Variants in MAML3 observed in about 807,000 individuals in gnomAD.
The protein encoded by MAML3 is mastermind-like protein 3.
MAML3 carries 27 observed loss-of-function variants against 101.9 expected under a neutral mutation model. The observed-to-expected ratio is 0.27, with a 90% CI of 0.20 to 0.37. The LOEUF is 0.37. Among genes scored for constraint, MAML3 ranks in the 10% least tolerant of loss-of-function variants. MAML3 has a pLI of 1.00. For missense variants in MAML3, 1,316 were observed against 1,444.9 expected (o/e 0.91, Z 1.45); for synonymous variants, 501 against 555.9 (o/e 0.90, Z 1.39).
intron 2 of MAML3, among the ~76,000 whole-genome samples, chr4:139,863,286 C>A (rs556917860): frequency 6.7e-6 from 1 of 149,852 alleles, no homozygotes; most frequent in Non-Finnish European, 1.5e-5. Flanking sequence ...ATTCTTTGTT[C>A]ATTTGTTTGT....
Position 139,819,921 on chromosome 4 carries a change from G to A in MAML3, c.2079+69436C>T, listed in dbSNP as rs140891036. Among the ~76,000 whole-genome samples, 536 of 152,240 alleles carry A rather than the reference G, an allele frequency of 3.5e-3. 7 individuals carry two copies. Among genetic ancestry groups the A allele is most frequent in the African/African-American group, 0.012 (506 of 41,530 alleles). ...CTAATTTTCTTCCGCTCTGATTCCC[G>A]TAGTATTAAGATAGTATTTTGATGA... On this transcript the variant is annotated intron_variant, in intron 2 of 4. Coordinates refer to ENST00000509479, the MANE Select transcript of MAML3 (RefSeq NM_018717.5).
chr4:139,851,396 A>G (rs1232470783), intron 2 of MAML3, among the ~76,000 whole-genome samples: 1 of 152,244 alleles, frequency 6.6e-6, no homozygotes, highest in Non-Finnish European at 1.5e-5. Flanking sequence ...TTGGCTCTGC[A>G]AATCCACTTT....
chr4:139,949,950 G>A (rs1426010365), intron 1 of MAML3, among the ~76,000 whole-genome samples: 2 of 152,202 alleles, frequency 1.3e-5, no homozygotes, highest in Non-Finnish European at 2.9e-5. Flanking sequence ...GCAAAGACAG[G>A]TTTCCCAAAG....
intron 1 of MAML3, among the ~76,000 whole-genome samples, chr4:140,092,092 A>ATATATATATACG (rs1160826310): frequency 4.5e-4 from 57 of 127,392 alleles, no homozygotes; most frequent in African/African-American, 1.3e-3. Flanking sequence ...ATATACGTAT[A>ATATATATATACG]TATATATATA....
intron 1 of MAML3, among the ~76,000 whole-genome samples, chr4:140,078,038 A>AATAG (rs1727801789): frequency 6.6e-6 from 1 of 151,392 alleles, no homozygotes; most frequent in African/African-American, 2.4e-5. Flanking sequence ...AAAATAAATA[A>AATAG]ATAAATAAAT....
intron 3 of MAML3, 87 bp from the exon 4 acceptor site, chr4:139,725,922 G>A (rs1437384062): frequency 9.0e-7 from 1 of 1,107,916 alleles, no homozygotes; most frequent in Non-Finnish European, 1.4e-6. Context: ...GAGGAAGGTA[G>A]TGTTTTCCCC....
At chr4:140,121,005 A>G (rs1728598685) in intron 1 of MAML3, among the ~76,000 whole-genome samples, 2 of 152,248 alleles carry the variant, frequency 1.3e-5, no homozygotes, top group African/African-American at 4.8e-5. Flanking sequence ...CTTCTAATAT[A>G]GCCTGCACTT....
intron 2 of MAML3, among the ~76,000 whole-genome samples, chr4:139,884,993 C>T (rs17050971): frequency 1.3e-5 from 2 of 152,102 alleles, no homozygotes; most frequent in African/African-American, 4.8e-5. Flanking sequence ...CAGATGTGAC[C>T]ATAGTAAGTT....
chr4:139,967,469 GACACAC>G (rs4057112), intron 1 of MAML3, among the ~76,000 whole-genome samples: 32,593 of 141,328 alleles, frequency 0.23, 3,678 homozygotes, highest in South Asian at 0.29. Context: ...CTTTTTAAGG[GACACAC>G]ACACACACAC....
intron 2 of MAML3, among the ~76,000 whole-genome samples, chr4:139,790,240 T>TATATATATAA (rs1553956817): frequency 5.5e-5 from 8 of 144,664 alleles, no homozygotes; most frequent in East Asian, 2.0e-4. Flanking sequence ...TATATATATA[T>TATATATATAA]ATAAATAAAT....
intron 2 of MAML3, among the ~76,000 whole-genome samples, chr4:139,738,735 A>C (rs557998312): frequency 2.2e-4 from 33 of 151,066 alleles, no homozygotes; most frequent in African/African-American, 7.7e-4. Flanking sequence ...AATGCAGAAA[A>C]GTATAGATAG....
rs1733337220 is a variant in MAML3, at chr4:139,929,561, T to G, written c.469-38594A>C. 2.0e-5 allele frequency among the ~76,000 whole-genome samples: 3 copies of G among 152,226 alleles called. No individual in the cohort carries two copies. The South Asian group carries it at 6.2e-4, about 32-fold the overall frequency. On this transcript the variant is annotated intron_variant, in intron 1 of 4. Transcript: ENST00000509479. ...TGTATCACTATTCAGATGCAGTTTATTGCAGGGAACAGCTTAAACTCAAAT... is the reference window on the plus strand; with the variant it reads ...TGTATCACTATTCAGATGCAGTTTAGTGCAGGGAACAGCTTAAACTCAAAT...
At chr4:139,927,984 C>G (rs1172652506) in intron 1 of MAML3, among the ~76,000 whole-genome samples, 1 of 152,148 alleles carries the variant, frequency 6.6e-6, no homozygotes, top group Non-Finnish European at 1.5e-5. Context: ...TAGGCCTTAT[C>G]AACAGACAGC....
At chr4:139,798,773 C>A (rs898306952) in intron 2 of MAML3, among the ~76,000 whole-genome samples, 6 of 152,206 alleles carry the variant, frequency 3.9e-5, no homozygotes, top group African/African-American at 1.2e-4. Context: ...TTAGTCCTAG[C>A]CTTACCTCCA....
chr4:140,076,971 C>CCT (rs1480597092), intron 1 of MAML3, among the ~76,000 whole-genome samples: 1 of 152,100 alleles, frequency 6.6e-6, no homozygotes, highest in Admixed American at 6.6e-5. Context: ...CTCACTGCAA[C>CCT]CTCCGCCTCC....
chr4:139,890,659 G>A lies in MAML3; in HGVS notation c.777C>T (p.Cys259=). ...TGGTGAAGCTATCCTCCAGGTCACT[G>A]CAACCGTTGACAGGAAGTTTAATCT... ...LPEIKLPVNG[C]SDLEDSFTIL... Residue 259 remains cysteine, a synonymous_variant, in exon 2 of 5, where the codon TGC becomes TGT. Transcript: ENST00000509479. The surrounding 1 kb of genome is among the most constrained non-coding windows in gnomAD (Gnocchi z 4.1). 1 of 1,613,936 alleles carries A rather than the reference G, an allele frequency of 6.2e-7. No homozygotes were observed. The highest frequency in any genetic ancestry group is 8.5e-7 in the Non-Finnish European group (1 of 1,179,850).
intron 1 of MAML3, among the ~76,000 whole-genome samples, chr4:139,961,044 G>A (rs144432509): frequency 1.3e-5 from 2 of 152,282 alleles, no homozygotes; most frequent in African/African-American, 4.8e-5. Flanking sequence ...ACTGGTTCCA[G>A]TCTGGCAAAA....
At chr4:140,046,138 T>C (rs1382517629) in intron 1 of MAML3, among the ~76,000 whole-genome samples, 1 of 152,202 alleles carries the variant, frequency 6.6e-6, no homozygotes, top group Non-Finnish European at 1.5e-5. Context: ...CTGGCTCTTG[T>C]GTGGTTAGAT....
At chr4:140,003,005 C>T (rs556370854) in intron 1 of MAML3, among the ~76,000 whole-genome samples, 6 of 152,304 alleles carry the variant, frequency 3.9e-5, no homozygotes, top group East Asian at 3.9e-4. Flanking sequence ...GTCAGACTAA[C>T]AATTTGGATG....
Sources: allele counts gnomAD v4.1 joint callset (sites outside exome capture counted in the v4.1 genomes callset), GRCh38; gene constraint gnomAD v4.1.1; non-coding constraint Gnocchi (gnomAD v3.1); transcripts MANE v1.5; gene names NCBI Gene and HGNC (gene_info 2026-07-23, HGNC 2026-07-21).